XKR4: variants seen among roughly 807,000 people sequenced by gnomAD.
The protein encoded by XKR4 is XK related 4.
A neutral mutation model predicts 53.9 loss-of-function variants in XKR4; 12 were observed. That is an observed-to-expected ratio of 0.22 (90% CI 0.14 to 0.36). The LOEUF is 0.36. XKR4 is among the 10% of genes least tolerant of loss of function. The pLI, the probability that XKR4 is intolerant of heterozygous loss-of-function variation, is 1.00. For missense variants in XKR4, 799 were observed against 859.5 expected, an observed-to-expected ratio of 0.93 and a Z score of 0.88; for synonymous variants, 354 against 362.4, an observed-to-expected ratio of 0.98 and a Z score of 0.26.
intron 2 of XKR4, among the ~76,000 whole-genome samples, chr8:55,376,048 A>G (rs1804147422): frequency 6.6e-6 from 1 of 152,220 alleles, no homozygotes; most frequent in African/African-American, 2.4e-5. Context: ...GACCCTACAA[A>G]GGACACAATC....
At chr8:55,333,277 G>A (rs1390203132) in intron 1 of XKR4, among the ~76,000 whole-genome samples, 1 of 152,024 alleles carries the variant, frequency 6.6e-6, no homozygotes, top group Admixed American at 6.6e-5. Flanking sequence ...AATTGGCCAT[G>A]TTTGTCCATG....
intron 2 of XKR4, among the ~76,000 whole-genome samples, chr8:55,478,653 C>A (rs1806043942): frequency 6.6e-6 from 1 of 152,084 alleles, no homozygotes; most frequent in Admixed American, 6.5e-5. Flanking sequence ...TTCAGGAAAA[C>A]CATCTCATGT....
At chr8:55,196,672 T>C (rs961450873) in intron 1 of XKR4, among the ~76,000 whole-genome samples, 6 of 152,142 alleles carry the variant, frequency 3.9e-5, no homozygotes, top group South Asian at 4.1e-4. Context: ...TAGGAAACAA[T>C]TGAATTAGCT....
intron 1 of XKR4, among the ~76,000 whole-genome samples, chr8:55,306,597 AG>A (rs1475449652): frequency 6.6e-6 from 1 of 152,198 alleles, no homozygotes; most frequent in Non-Finnish European, 1.5e-5. Context: ...TCCCACTTAT[AG>A]TAGCCATCAG....
Position 55,135,905 on chromosome 8 carries a change from G to GT in XKR4, c.806+32618dup, listed in dbSNP as rs1309930695. ...ACATGCTCACTTTTTTTTTTTTTTT[G>GT]TTTTTTTGAGACAGAGTCTCGCTCT... On this transcript the variant is annotated intron_variant, in intron 1 of 2. Coordinates refer to ENST00000327381, the MANE Select transcript of XKR4 (RefSeq NM_052898.2). Among the ~76,000 whole-genome samples the GT allele has an allele frequency of 4.4e-3, 484 of 110,616 alleles. 1 individual carries two copies. The highest frequency in any genetic ancestry group is 0.015 in the African/African-American group (468 of 30,262). The allele number at this position is 110,616 out of a possible 152,430, so 72.6% of individuals were successfully genotyped here.
intron 1 of XKR4, among the ~76,000 whole-genome samples, chr8:55,305,845 C>G (rs957939093): frequency 1.3e-4 from 19 of 151,996 alleles, no homozygotes; most frequent in African/African-American, 4.6e-4. Flanking sequence ...ACCATTGCCC[C>G]TCAATAAAAA....
intron 1 of XKR4, among the ~76,000 whole-genome samples, chr8:55,118,706 C>T (rs985850350): frequency 6.6e-6 from 1 of 152,150 alleles, no homozygotes; most frequent in Non-Finnish European, 1.5e-5. Context: ...ATATGACTTG[C>T]GTTGAAAGGG....
At position 55,276,978 on chromosome 8, in the gene XKR4, G is replaced by C. The variant is rs183667946; in HGVS notation, c.807-80700G>C. Reference sequence around the variant, plus strand: ...TATTTGTTTATGTGGAACTATTGGAGGGATTAAACCTATAAGGACTGGGTT... The same window carrying C: ...TATTTGTTTATGTGGAACTATTGGACGGATTAAACCTATAAGGACTGGGTT... On this transcript the variant is annotated intron_variant, in intron 1 of 2. Transcript: ENST00000327381. Among the ~76,000 whole-genome samples the C allele has an allele frequency of 5.3e-5, 8 of 152,316 alleles. No individual in the cohort carries two copies. In the East Asian group the frequency reaches 1.3e-3, roughly 26 times the overall value.
intron 2 of XKR4, among the ~76,000 whole-genome samples, chr8:55,421,836 T>A (rs1249531211): frequency 6.6e-6 from 1 of 152,214 alleles, no homozygotes; most frequent in Middle Eastern, 3.2e-3. Flanking sequence ...GAAGAAAGAA[T>A]GAGACACTAG....
At position 55,320,408 on chromosome 8, in the gene XKR4, T is replaced by A. The variant is rs78242309; in HGVS notation, c.807-37270T>A. ...AGATTTAAGTTCAATGTAAATTAACTCACTCATCACCAACAAAAGATACCC... is the reference window on the plus strand; with the variant it reads ...AGATTTAAGTTCAATGTAAATTAACACACTCATCACCAACAAAAGATACCC... On this transcript the variant is annotated intron_variant, in intron 1 of 2. Coordinates refer to ENST00000327381, the MANE Select transcript of XKR4 (RefSeq NM_052898.2). Among the ~76,000 whole-genome samples, 12 of 152,310 alleles carry A rather than the reference T, an allele frequency of 7.9e-5. No homozygotes were observed. The East Asian group carries it at 2.3e-3, about 29-fold the overall frequency.
chr8:55,415,805 G>A (rs1423530500), intron 2 of XKR4, among the ~76,000 whole-genome samples: 1 of 152,146 alleles, frequency 6.6e-6, no homozygotes, highest in Non-Finnish European at 1.5e-5. Flanking sequence ...CTGTAGACTT[G>A]GGCATAAGGC....
chr8:55,483,698 G>A (rs974887570), intron 2 of XKR4, among the ~76,000 whole-genome samples: 4 of 151,956 alleles, frequency 2.6e-5, no homozygotes, highest in Non-Finnish European at 5.9e-5. Context: ...TGGGACACAG[G>A]TATAGCAGTG....
chr8:55,181,426 C>T (rs530285831), intron 1 of XKR4, among the ~76,000 whole-genome samples: 3 of 152,252 alleles, frequency 2.0e-5, no homozygotes, highest in Admixed American at 6.5e-5. Flanking sequence ...TCTCCTCAGC[C>T]CCTTCCCTTC....
intron 1 of XKR4, among the ~76,000 whole-genome samples, chr8:55,103,590 C>T (rs1331897419): frequency 1.3e-5 from 2 of 151,976 alleles, no homozygotes; most frequent in Non-Finnish European, 2.9e-5. Context: ...CACAACCCCC[C>T]TCCCCGCTTC....
chr8:55,209,956 G>GT (rs35478643), intron 1 of XKR4, among the ~76,000 whole-genome samples: 23,541 of 152,084 alleles, frequency 0.15, 2,176 homozygotes, highest in Non-Finnish European at 0.21. Context: ...GGGAGTACTT[G>GT]TTTTTTGCAG....
chr8:55,530,197 AAGGAAGGAAGG>A lies in XKR4; in HGVS notation c.*5973_*5983del, dbSNP rs1468635779. The A allele has an allele frequency of 9.0e-6, 1 of 111,054 alleles. No individual in the cohort carries two copies. The highest frequency in any genetic ancestry group is 2.0e-5 in the Non-Finnish European group (1 of 51,114). The allele number at this position is 111,054 out of a possible 1,614,324, so 6.9% of individuals were successfully genotyped here. A position where few individuals can be genotyped will look rare whatever the true frequency, so the allele number is the denominator to read the frequency against. Reference sequence around the variant, plus strand: ...GAAGGAAGGAAGGAAGGAAGGAAGGAAGGAAGGAAGGAGATTTAACAAGTCTTTGAAGTGAT... The same window carrying A: ...GAAGGAAGGAAGGAAGGAAGGAAGGAAGATTTAACAAGTCTTTGAAGTGAT... On this transcript the variant is annotated 3_prime_UTR_variant, in exon 3 of 3. Coordinates refer to ENST00000327381, the MANE Select transcript of XKR4 (RefSeq NM_052898.2).
chr8:55,341,342 T>C (rs1803543047), intron 1 of XKR4, among the ~76,000 whole-genome samples: 2 of 152,124 alleles, frequency 1.3e-5, no homozygotes, highest in African/African-American at 4.8e-5. Context: ...CATTCCCACT[T>C]TTCATTGGCA....
At chr8:55,319,289 T>C (rs532543595) in intron 1 of XKR4, among the ~76,000 whole-genome samples, 3 of 152,194 alleles carry the variant, frequency 2.0e-5, no homozygotes, top group Non-Finnish European at 4.4e-5. Flanking sequence ...TAAGGTATAG[T>C]TTGCGATTTG....
Position 55,362,646 on chromosome 8 carries a change from G to C in XKR4, c.1006+4769G>C, listed in dbSNP as rs141300780. Among the ~76,000 whole-genome samples, 207 of 152,352 alleles carry C rather than the reference G, an allele frequency of 1.4e-3. 1 individual carries two copies. The highest frequency in any genetic ancestry group is 2.6e-4 in the Non-Finnish European group (18 of 68,038). On this transcript the variant is annotated intron_variant, in intron 2 of 2. Coordinates refer to ENST00000327381, the MANE Select transcript of XKR4 (RefSeq NM_052898.2). ...AGCAAAGGTAGAAGGTTCATGGTCA[G>C]AGTTACCCCATCTGGACTTTTCAAT...
Sources: allele counts gnomAD v4.1 joint callset (sites outside exome capture counted in the v4.1 genomes callset), GRCh38; gene constraint gnomAD v4.1.1; transcripts MANE v1.5; gene names NCBI Gene and HGNC (gene_info 2026-07-23, HGNC 2026-07-21).